Variants in MYO3B observed in about 807,000 individuals in gnomAD.
MYO3B encodes the protein myosin IIIB.
A neutral mutation model predicts 174.6 loss-of-function variants in MYO3B; 156 were observed. The observed-to-expected ratio is 0.89, with a 90% CI of 0.78 to 1.02. MYO3B has a LOEUF of 1.02. Among genes scored for constraint, MYO3B ranks in the 50% least tolerant of loss-of-function variants. The pLI is 0.00. For missense variants in MYO3B, 1,632 were observed against 1,639.4 expected, an observed-to-expected ratio of 1.00 and a Z score of 0.08; for synonymous variants, 563 against 569.1, an observed-to-expected ratio of 0.99 and a Z score of 0.15.
chr2:170,394,021 A>G (rs1425474119), intron 16 of MYO3B, among the ~76,000 whole-genome samples: 2 of 152,202 alleles, frequency 1.3e-5, no homozygotes, highest in African/African-American at 4.8e-5. Flanking sequence ...GTGTCATGCC[A>G]AAGTACGCAG....
chr2:170,394,728 A>G (rs969592207), intron 16 of MYO3B, among the ~76,000 whole-genome samples: 5 of 152,248 alleles, frequency 3.3e-5, no homozygotes, highest in African/African-American at 1.2e-4. Context: ...AGGAAGAAGC[A>G]GGATCTTCTC....
intron 32 of MYO3B, among the ~76,000 whole-genome samples, chr2:170,564,141 GC>G (rs1244760611): frequency 1.2e-4 from 18 of 152,306 alleles, no homozygotes; most frequent in African/African-American, 3.8e-4. Flanking sequence ...ATCAAGACCT[GC>G]AGGCAAGAGA....
At chr2:170,519,803 C>T (rs960811814) in intron 30 of MYO3B, 6 of 308,252 alleles carry the variant, frequency 1.9e-5, no homozygotes, top group Admixed American at 1.9e-4. Flanking sequence ...CAAAACCCCG[C>T]CTCTACTAAA....
intron 25 of MYO3B, among the ~76,000 whole-genome samples, chr2:170,483,404 T>TTTTTTTTTG (rs1685825710): frequency 1.3e-4 from 16 of 120,198 alleles, no homozygotes; most frequent in Non-Finnish European, 6.5e-5. Context: ...TTTTTTTTTT[T>TTTTTTTTTG]GAGACGGAGT....
chr2:170,427,004 C>T (rs564332791), intron 22 of MYO3B, among the ~76,000 whole-genome samples: 3 of 150,296 alleles, frequency 2.0e-5, no homozygotes, highest in East Asian at 2.0e-4. Context: ...GGTGATAGTG[C>T]GAGACTCAGT....
At chr2:170,495,047 A>G (rs1686772788) in intron 25 of MYO3B, among the ~76,000 whole-genome samples, 1 of 152,326 alleles carries the variant, frequency 6.6e-6, no homozygotes, top group South Asian at 2.1e-4. Context: ...TATAAAATCA[A>G]TTCTACTTAG....
Position 170,619,900 on chromosome 2 carries a change from C to T in MYO3B, c.3734-31728C>T, listed in dbSNP as rs371243513. Among the ~76,000 whole-genome samples the T allele has an allele frequency of 2.3e-3, 345 of 151,806 alleles. 1 individual carries two copies. Among genetic ancestry groups the T allele is most frequent in the African/African-American group, 7.1e-3 (292 of 41,404 alleles). On this transcript the variant is annotated intron_variant, in intron 32 of 34. Transcript: ENST00000408978. Reference sequence around the variant, plus strand: ...TAGCTGGGATTACAGGCATGCGCCACCATGCCTGGCTAATTTTTGTATTTT... The same window carrying T: ...TAGCTGGGATTACAGGCATGCGCCATCATGCCTGGCTAATTTTTGTATTTT...
At chr2:170,594,718 C>T (rs1694030123) in intron 32 of MYO3B, among the ~76,000 whole-genome samples, 1 of 151,992 alleles carries the variant, frequency 6.6e-6, no homozygotes, top group South Asian at 2.1e-4. Flanking sequence ...GTGCAAATCC[C>T]AATCCCATCT....
At chr2:170,547,329 CAAAAA>C (rs549507676) in intron 32 of MYO3B, among the ~76,000 whole-genome samples, 1 of 99,886 alleles carries the variant, frequency 1.0e-5, no homozygotes, top group African/African-American at 3.7e-5. Flanking sequence ...GACTCTGTCT[CAAAAA>C]AAAAAAAAAA....
intron 12 of MYO3B, chr2:170,385,763 A>G (rs2094369543): frequency 6.5e-6 from 1 of 153,320 alleles, no homozygotes; most frequent in African/African-American, 2.4e-5. Flanking sequence ...ACAGGAGAGC[A>G]GGCACTTTCA....
chr2:170,477,655 G>A (rs1316342568), intron 25 of MYO3B, among the ~76,000 whole-genome samples: 2 of 151,170 alleles, frequency 1.3e-5, no homozygotes, highest in African/African-American at 2.4e-5. Context: ...GTTGCGAGCT[G>A]TCCTGTGCCT....
chr2:170,461,691 G>T (rs1684296935), intron 23 of MYO3B, among the ~76,000 whole-genome samples: 1 of 151,338 alleles, frequency 6.6e-6, no homozygotes, highest in Non-Finnish European at 1.5e-5. Context: ...CAGGAGAATT[G>T]CTTGAATCTG....
chr2:170,219,287 G>T (rs1035378430), intron 6 of MYO3B, among the ~76,000 whole-genome samples: 3 of 152,180 alleles, frequency 2.0e-5, no homozygotes, highest in African/African-American at 7.2e-5. Flanking sequence ...ACTCAGGTCT[G>T]CCAGGGACTT....
intron 6 of MYO3B, among the ~76,000 whole-genome samples, chr2:170,225,108 G>A (rs2092937801): frequency 1.3e-5 from 2 of 152,230 alleles, no homozygotes; most frequent in African/African-American, 4.8e-5. Context: ...TAGCTAATGG[G>A]TTTGGTTCCC....
intron 32 of MYO3B, among the ~76,000 whole-genome samples, chr2:170,560,151 A>T (rs1406384880): frequency 6.6e-6 from 1 of 152,078 alleles, no homozygotes; most frequent in Non-Finnish European, 1.5e-5. Flanking sequence ...TCTTCTTTCC[A>T]CTCAAATTAT....
chr2:170,650,323 G>A (rs1698906196), intron 32 of MYO3B, among the ~76,000 whole-genome samples: 1 of 151,914 alleles, frequency 6.6e-6, no homozygotes, highest in East Asian at 1.9e-4. Context: ...TATACTTAGG[G>A]AACAAATATT....
At chr2:170,578,780 G>A (rs890813540) in intron 32 of MYO3B, among the ~76,000 whole-genome samples, 3 of 152,228 alleles carry the variant, frequency 2.0e-5, no homozygotes, top group East Asian at 1.9e-4. Context: ...CCGCTGCCCC[G>A]CTGCGAGGAA....
chr2:170,552,302 G>A (rs987631718), intron 32 of MYO3B, among the ~76,000 whole-genome samples: 3 of 152,208 alleles, frequency 2.0e-5, no homozygotes, highest in Admixed American at 6.5e-5. Context: ...GAAGGGTTGT[G>A]ACCAAAATGC....
chr2:170,180,644 CTA>C (rs2092387186), intron 1 of MYO3B, among the ~76,000 whole-genome samples: 1 of 152,098 alleles, frequency 6.6e-6, no homozygotes, highest in Admixed American at 6.5e-5. Context: ...AAAAACATGA[CTA>C]AAAATGTGTA....
Sources: allele counts gnomAD v4.1 joint callset (sites outside exome capture counted in the v4.1 genomes callset), GRCh38; gene constraint gnomAD v4.1.1; transcripts MANE v1.5; gene names NCBI Gene and HGNC (gene_info 2026-07-23, HGNC 2026-07-21).